The following EPB41L4A variants were observed in gnomAD, a reference collection of about 807,000 sequenced individuals.
The protein encoded by EPB41L4A is band 4.1-like protein 4A.
Under a neutral mutation model 108.6 loss-of-function variants are expected in EPB41L4A, and 100 were observed. That is an observed-to-expected ratio of 0.92 (90% confidence interval 0.78 to 1.09). The LOEUF (loss-of-function observed/expected upper bound fraction) is 1.09. EPB41L4A is among the 50% of genes least tolerant of loss of function. The pLI is 0.00. For synonymous variants in EPB41L4A, 319 were observed against 289.0 expected, an observed-to-expected ratio of 1.10 and a Z score of -1.05; for missense variants, 1,030 against 842.7, an observed-to-expected ratio of 1.22 and a Z score of -2.75.
At chr5:112,179,169 A>G (rs1377252463) in intron 18 of EPB41L4A, among the ~76,000 whole-genome samples, 2 of 152,110 alleles carry the variant, frequency 1.3e-5, no homozygotes, top group Non-Finnish European at 2.9e-5. Flanking sequence ...TAAAATATGA[A>G]TATCTCAATA....
At chr5:112,276,964 T>C (rs1752663131) in intron 3 of EPB41L4A, among the ~76,000 whole-genome samples, 1 of 152,220 alleles carries the variant, frequency 6.6e-6, no homozygotes, top group African/African-American at 2.4e-5. Context: ...TTTCTTATTA[T>C]TGGAGTTGAT....
chr5:112,147,214 T>G (rs1759292278), intron 12 of EPB41L4A, among the ~76,000 whole-genome samples: 1 of 152,222 alleles, frequency 6.6e-6, no homozygotes, highest in South Asian at 2.1e-4. Flanking sequence ...CATTGACAAG[T>G]CAGCACTTCA....
intron 12 of EPB41L4A, among the ~76,000 whole-genome samples, chr5:112,214,481 C>G (rs1747465061): frequency 6.6e-6 from 1 of 152,100 alleles, no homozygotes; most frequent in Non-Finnish European, 1.5e-5. Flanking sequence ...ACACAGAGGG[C>G]AGCCGGGCGC....
intron 17 of EPB41L4A, 142 bp downstream of exon 17, chr5:112,194,426 T>C: frequency 1.9e-6 from 1 of 534,606 alleles, no homozygotes; most frequent in Non-Finnish European, 3.3e-6. Context: ...TAAAGTTTCC[T>C]AAACTAAGTG....
At chr5:112,405,558 G>A (rs1478714919) in intron 1 of EPB41L4A, among the ~76,000 whole-genome samples, 3 of 152,060 alleles carry the variant, frequency 2.0e-5, no homozygotes, top group Admixed American at 1.3e-4. Context: ...GTTTTATGAG[G>A]TGCCTCCCCA....
Position 112,418,962 on chromosome 5 carries a change from G to A in EPB41L4A, c.78C>T (p.Thr26=), listed in dbSNP as rs758995720. The A allele has an allele frequency of 6.2e-7, 1 of 1,613,258 alleles. No individual in the cohort carries two copies. The highest frequency in any genetic ancestry group is 1.1e-5 in the South Asian group (1 of 91,016). ...CCACCTTGATGCCCTGCTGCTGGGT[G>A]GTAAGGGTTAACTTGGATTCATCCA... is the stretch of plus-strand genomic sequence containing the variant. ...LLLDESKLTL[T]TQQQGIKKST... The change falls in exon 1 of 23, where the codon ACC becomes ACT. Residue 26 remains threonine, a synonymous_variant. Transcript: ENST00000261486.
At chr5:112,374,451 A>G in intron 1 of EPB41L4A, among the ~76,000 whole-genome samples, 1 of 149,792 alleles carries the variant, frequency 6.7e-6, no homozygotes, top group South Asian at 2.1e-4. Flanking sequence ...AAAAGAAGTT[A>G]AAGTCTTCTA....
At chr5:112,203,666 C>T (rs182411171) in intron 15 of EPB41L4A, among the ~76,000 whole-genome samples, 3 of 152,216 alleles carry the variant, frequency 2.0e-5, no homozygotes, top group South Asian at 2.1e-4. Context: ...CTTTAAAAGG[C>T]GTTTTTCAGC....
intron 12 of EPB41L4A, among the ~76,000 whole-genome samples, chr5:112,222,947 T>TG (rs201966782): frequency 2.0e-5 from 3 of 150,602 alleles, no homozygotes; most frequent in East Asian, 2.0e-4. Context: ...AACTAGTTTT[T>TG]TTTTTTTTTT....
intron 8 of EPB41L4A, among the ~76,000 whole-genome samples, 153 bp downstream of exon 8, chr5:112,259,738 G>T (rs1263139494): frequency 6.6e-6 from 1 of 152,184 alleles, no homozygotes; most frequent in African/African-American, 2.4e-5. Context: ...ATATGCTGAG[G>T]TGCAACAGGA....
intron 1 of EPB41L4A, among the ~76,000 whole-genome samples, chr5:112,309,373 T>C (rs1399274768): frequency 6.6e-6 from 1 of 152,194 alleles, no homozygotes; most frequent in Admixed American, 6.5e-5. Context: ...CTCAGGGACG[T>C]TAAGAACCAG....
intron 1 of EPB41L4A, among the ~76,000 whole-genome samples, chr5:112,366,485 C>G (rs919096298): frequency 6.6e-6 from 1 of 152,056 alleles, no homozygotes; most frequent in Non-Finnish European, 1.5e-5. Flanking sequence ...CAACACCACA[C>G]TTGGAAGAGC....
intron 1 of EPB41L4A, among the ~76,000 whole-genome samples, chr5:112,370,100 C>A (rs781118695): frequency 1.4e-5 from 2 of 142,646 alleles, no homozygotes; most frequent in Non-Finnish European, 2.9e-5. Context: ...ACACAGCTCA[C>A]TGCAGCCTCA....
rs1039452387 is a variant in EPB41L4A, at chr5:112,274,587, A to G, written c.335+739T>C. ...TTTTTTAAAGGAGGTATTAGGCTTT[A>G]TTTTAGCCCCTAATATGGGTTCACT... On this transcript the variant is annotated intron_variant, in intron 4 of 22. Transcript: ENST00000261486. 4.6e-5 allele frequency among the ~76,000 whole-genome samples: 7 copies of G among 152,316 alleles called. No individual in the cohort carries two copies. In the South Asian group the frequency reaches 1.2e-3, roughly 27 times the overall value.
chr5:112,313,703 C>G (rs1157428236), intron 1 of EPB41L4A, among the ~76,000 whole-genome samples: 1 of 151,848 alleles, frequency 6.6e-6, no homozygotes, highest in African/African-American at 2.4e-5. Context: ...CCTTTTTTTG[C>G]TGTGGAGGCA....
intron 1 of EPB41L4A, among the ~76,000 whole-genome samples, chr5:112,416,531 A>C (rs1036297562): frequency 3.3e-5 from 5 of 152,198 alleles, no homozygotes; most frequent in African/African-American, 1.2e-4. Flanking sequence ...ATTTCAGAGA[A>C]CAGTAGGCTA....
chr5:112,234,550 A>T, intron 12 of EPB41L4A, 84 bp downstream of exon 12: 9 of 1,312,950 alleles, frequency 6.9e-6, no homozygotes, highest in Non-Finnish European at 9.3e-6. Context: ...CTGTAGAGTT[A>T]TAGACATCAC....
exon 14 of EPB41L4A, chr5:112,143,591 C>A (rs939751541): frequency 4.2e-4 from 73 of 173,646 alleles, no homozygotes; most frequent in African/African-American, 1.4e-3. Flanking sequence ...CCCCTATCTT[C>A]CCTGTCTCTC....
At chr5:112,252,561 C>T (rs1266241990) in intron 9 of EPB41L4A, among the ~76,000 whole-genome samples, 2 of 152,126 alleles carry the variant, frequency 1.3e-5, no homozygotes. Flanking sequence ...ATGTGAACAG[C>T]AAAATAGTTA....
Sources: allele counts gnomAD v4.1 joint callset (sites outside exome capture counted in the v4.1 genomes callset), GRCh38; gene constraint gnomAD v4.1.1; transcripts MANE v1.5; gene names NCBI Gene and HGNC (gene_info 2026-07-23, HGNC 2026-07-21).